CNGB1: variants seen among roughly 807,000 people sequenced by gnomAD.
CNGB1 encodes the protein cyclic nucleotide gated channel subunit beta 1.
A neutral mutation model predicts 151.7 loss-of-function variants in CNGB1; 126 were observed. The observed-to-expected ratio is 0.83, with a 90% CI of 0.72 to 0.96. CNGB1 has a LOEUF of 0.96. Among genes scored for constraint, CNGB1 ranks in the 40% least tolerant of loss-of-function variants. The pLI is 0.00. For missense variants in CNGB1, 1,698 were observed against 1,627.0 expected (o/e 1.04, Z -0.75); for synonymous variants, 623 against 635.1 (o/e 0.98, Z 0.29).
chr16:57,917,778 A>T (rs1960916838), intron 20 of CNGB1, among the ~76,000 whole-genome samples: 1 of 150,156 alleles, frequency 6.7e-6, no homozygotes, highest in South Asian at 2.2e-4. Flanking sequence ...CCTGGACAAC[A>T]TAGCAAGACC....
At position 57,884,153 on chromosome 16, in the gene CNGB1, C is replaced by T; in HGVS notation, c.*11G>A. 1 of 1,613,948 alleles carries T rather than the reference C, an allele frequency of 6.2e-7. No homozygotes were observed. Among genetic ancestry groups the T allele is most frequent in the Non-Finnish European group, 8.5e-7 (1 of 1,179,880 alleles). ...TGCTGGAACTGCGCGCGGGATCCGCCTCACCCCACCTTACTCCGCCTTCTC... is the reference window on the plus strand; with the variant it reads ...TGCTGGAACTGCGCGCGGGATCCGCTTCACCCCACCTTACTCCGCCTTCTC... On this transcript the variant is annotated 3_prime_UTR_variant, in exon 33 of 33. Coordinates refer to ENST00000251102, the MANE Select transcript of CNGB1 (RefSeq NM_001297.5).
At chr16:57,970,459 A>C (rs1250978452) in intron 1 of CNGB1, among the ~76,000 whole-genome samples, 4 of 152,238 alleles carry the variant, frequency 2.6e-5, no homozygotes, top group African/African-American at 9.6e-5. Context: ...CACAGCCGGC[A>C]GTGGCCAACT....
At chr16:57,956,662 T>A (rs1388652637) in intron 12 of CNGB1, among the ~76,000 whole-genome samples, 1 of 152,158 alleles carries the variant, frequency 6.6e-6, no homozygotes, top group Admixed American at 6.5e-5. Context: ...GCCCCTGAAC[T>A]CTGCTCACAA....
Position 57,888,717 on chromosome 16 carries a change from G to A in CNGB1, c.3243-643C>T, listed in dbSNP as rs555621689. Among the ~76,000 whole-genome samples the A allele has an allele frequency of 2.6e-5, 4 of 152,212 alleles. No individual in the cohort carries two copies. In the East Asian group the frequency reaches 7.7e-4, roughly 29 times the overall value. ...TCTACCCGCCTTGGCCTCCCAAAGT[G>A]TTGAAATTACAGGTGTGAGGCACCG... On this transcript the variant is annotated intron_variant, in intron 31 of 32. Coordinates refer to ENST00000251102, the MANE Select transcript of CNGB1 (RefSeq NM_001297.5).
chr16:57,958,645 C>T (rs1040269999), intron 10 of CNGB1, among the ~76,000 whole-genome samples, 160 bp from the exon 11 acceptor site: 1 of 152,202 alleles, frequency 6.6e-6, no homozygotes, highest in Non-Finnish European at 1.5e-5. Context: ...CATTCTCCCC[C>T]CTCTCCACCC....
At chr16:57,897,326 G>A (rs1379713747) in intron 31 of CNGB1, 71 bp downstream of exon 31, 3 of 1,472,196 alleles carry the variant, frequency 2.0e-6, no homozygotes, top group East Asian at 2.3e-5. Context: ...AAAGATAAAG[G>A]TACTGTGGTT....
intron 31 of CNGB1, among the ~76,000 whole-genome samples, chr16:57,892,914 C>T (rs546282442): frequency 1.3e-5 from 2 of 152,312 alleles, no homozygotes; most frequent in African/African-American, 2.4e-5. Flanking sequence ...CCGCTCCTCC[C>T]GTGGCTTTGT....
chr16:57,917,633 C>T lies in CNGB1; in HGVS notation c.1958-157G>A, dbSNP rs548576849. On this transcript the variant is annotated intron_variant, in intron 20 of 32. Transcript: ENST00000251102. ...GTGTGTGTGTGTGTATATATACACACACACACACACACACACATACACACA... is the reference window on the plus strand; with the variant it reads ...GTGTGTGTGTGTGTATATATACACATACACACACACACACACATACACACA... Among the ~76,000 whole-genome samples, 359 of 132,384 alleles carry T rather than the reference C, an allele frequency of 2.7e-3. 3 individuals are homozygous for T. Among genetic ancestry groups the T allele is most frequent in the African/African-American group, 0.01 (332 of 32,824 alleles). 86.8% of individuals were successfully genotyped at this position (132,384 alleles called of 152,430 possible).
intron 29 of CNGB1, among the ~76,000 whole-genome samples, chr16:57,899,643 T>C (rs544626696): frequency 4.6e-5 from 7 of 151,694 alleles, no homozygotes; most frequent in Non-Finnish European, 7.4e-5. Context: ...TGGTCTCAAA[T>C]AAACAAACAA....
chr16:57,961,906 CA>C (rs1962267054), intron 7 of CNGB1, among the ~76,000 whole-genome samples: 1 of 152,228 alleles, frequency 6.6e-6, no homozygotes, highest in Non-Finnish European at 1.5e-5. Flanking sequence ...GCAGAAACTA[CA>C]AACTGGGAGC....
At chr16:57,961,257 T>C (rs1962248951) in intron 7 of CNGB1, among the ~76,000 whole-genome samples, 1 of 152,202 alleles carries the variant, frequency 6.6e-6, no homozygotes, top group Non-Finnish European at 1.5e-5. Flanking sequence ...GTGTGACCTG[T>C]GCCATCACAC....
chr16:57,951,642 T>C (rs1370875159), intron 12 of CNGB1, among the ~76,000 whole-genome samples: 1 of 152,226 alleles, frequency 6.6e-6, no homozygotes, highest in Non-Finnish European at 1.5e-5. Flanking sequence ...TTTGAGCACT[T>C]ACTATGTTCC....
In CNGB1 at chr16:57,901,363, C is replaced by A; in HGVS notation, c.2965G>T (p.Val989Leu). Residue 989 changes from valine (V) to leucine (L), a missense_variant, in exon 29 of 33, where the codon GTG becomes TTG. Val to Leu is a conservative substitution (Grantham distance 32). Transcript: ENST00000251102. The stretch of plus-strand genomic sequence containing the variant: ...CCAGGCCAGCTCACCTTCTTGCACA[C>A]ATAGTCGTTGGGCAGGTAGACAACA... ...RSVVYLPNDY[V>L]CKKGEIGREM... is the part of the protein sequence containing the mutation. 6.2e-7 allele frequency: 1 copy of A among 1,614,156 alleles called. No homozygotes were observed.
At chr16:57,962,940 A>G (rs1597015306) in intron 5 of CNGB1, 34 bp downstream of exon 5, 3 of 1,611,968 alleles carry the variant, frequency 1.9e-6, no homozygotes, top group Non-Finnish European at 1.7e-6. Context: ...CCCCTCTCCA[A>G]CCCGGCCCCT....
At chr16:57,953,021 T>C (rs1328409346) in intron 12 of CNGB1, among the ~76,000 whole-genome samples, 6 of 152,016 alleles carry the variant, frequency 3.9e-5, no homozygotes, top group African/African-American at 1.4e-4. Context: ...CAACTGCCCC[T>C]CTCTACAGGC....
chr16:57,916,272 C>T, intron 21 of CNGB1, 93 bp from the exon 22 acceptor site: 1 of 1,279,740 alleles, frequency 7.8e-7, no homozygotes, highest in Non-Finnish European at 1.1e-6. Context: ...GAACCCCACC[C>T]TGAAACGAGC....
At chr16:57,891,543 C>G (rs1339099292) in intron 31 of CNGB1, among the ~76,000 whole-genome samples, 2 of 152,060 alleles carry the variant, frequency 1.3e-5, no homozygotes, top group African/African-American at 4.8e-5. Context: ...ATGTGTGTTT[C>G]TTTTTAAAGA....
At chr16:57,958,361 A>G in intron 11 of CNGB1, 49 bp downstream of exon 11, 2 of 1,230,784 alleles carry the variant, frequency 1.6e-6, no homozygotes, top group East Asian at 2.7e-5. Flanking sequence ...AGTTCCCAAG[A>G]CCCCTCCCAC....
At chr16:57,890,085 A>G (rs1450001531) in intron 31 of CNGB1, among the ~76,000 whole-genome samples, 5 of 152,216 alleles carry the variant, frequency 3.3e-5, no homozygotes, top group African/African-American at 1.2e-4. Flanking sequence ...TTTTCACACT[A>G]CAAACATGCG....
Sources: gnomAD v4.1 joint callset for allele counts (sites outside exome capture counted in the v4.1 genomes callset) on GRCh38, gnomAD v4.1.1 for gene constraint, MANE v1.5 for transcripts, NCBI Gene and HGNC (gene_info 2026-07-23, HGNC 2026-07-21) for gene names.